The following GRID1 variants were observed in gnomAD, a reference collection of about 807,000 sequenced individuals.
GRID1 encodes the protein glutamate receptor ionotropic, delta-1.
GRID1 carries 28 observed loss-of-function variants against 98.0 expected under a neutral mutation model. The observed-to-expected ratio is 0.29, with a 90% CI of 0.21 to 0.39. The LOEUF is 0.39. GRID1 is among the 10% of genes least tolerant of loss of function. The probability of loss-of-function intolerance (pLI) is 1.00; values close to 1 mark genes in which losing one functional copy is unlikely to be tolerated. For synonymous variants in GRID1, 553 were observed against 538.5 expected (o/e 1.03, Z -0.37); for missense variants, 1,111 against 1,340.5 (o/e 0.83, Z 2.67).
At chr10:86,222,927 G>A (rs1204707070) in intron 2 of GRID1, among the ~76,000 whole-genome samples, 2 of 152,130 alleles carry the variant, frequency 1.3e-5, no homozygotes, top group African/African-American at 2.4e-5. Context: ...CCCCTGGGGG[G>A]ACATGCGAGA....
At chr10:85,871,333 T>C (rs117678039) in intron 5 of GRID1, among the ~76,000 whole-genome samples, 2 of 152,178 alleles carry the variant, frequency 1.3e-5, no homozygotes, top group African/African-American at 4.8e-5. Context: ...GGTACTAAAC[T>C]GGGTATTCTA....
rs535461557 is a variant in GRID1 at position 86,190,203 on chromosome 10, C to T, written c.520+16161G>A. On this transcript the variant is annotated intron_variant, in intron 3 of 15. Coordinates refer to ENST00000327946, the MANE Select transcript of GRID1 (RefSeq NM_017551.3). ...GTGGGACACATGGTGTGATCCTAAC[C>T]GGCCCTCCAGAATAAGAAGCTCTGA... Among the ~76,000 whole-genome samples, 178 of 152,310 alleles carry T rather than the reference C, an allele frequency of 1.2e-3. 1 individual carries two copies. The highest frequency in any genetic ancestry group is 3.4e-3 in the Middle Eastern group (1 of 294).
intron 2 of GRID1, among the ~76,000 whole-genome samples, chr10:86,246,966 T>C (rs1389528539): frequency 6.6e-6 from 1 of 152,272 alleles, no homozygotes. Flanking sequence ...GAATGACTGA[T>C]GTCTCCTCTG....
intron 2 of GRID1, among the ~76,000 whole-genome samples, chr10:86,207,431 G>A (rs978690857): frequency 3.3e-4 from 50 of 152,226 alleles, no homozygotes; most frequent in African/African-American, 1.0e-3. Flanking sequence ...ACACGCTCAG[G>A]GGCTCATCTT....
intron 4 of GRID1, among the ~76,000 whole-genome samples, chr10:85,922,089 C>T (rs533377591): frequency 6.6e-6 from 1 of 152,320 alleles, no homozygotes; most frequent in South Asian, 2.1e-4. Flanking sequence ...TCTCCAAAGC[C>T]TGTGTTCTTT....
At chr10:85,817,171 C>T (rs1040567433) in intron 8 of GRID1, among the ~76,000 whole-genome samples, 3 of 152,208 alleles carry the variant, frequency 2.0e-5, no homozygotes, top group African/African-American at 7.2e-5. Flanking sequence ...CACACACATG[C>T]ATGCATCTTT....
At chr10:85,865,981 A>T (rs1843217242) in intron 6 of GRID1, among the ~76,000 whole-genome samples, 1 of 142,380 alleles carries the variant, frequency 7.0e-6, no homozygotes, top group Non-Finnish European at 1.5e-5. Flanking sequence ...AGAGAGAGAG[A>T]GAGAGAGAGA....
chr10:86,078,321 A>G (rs1842280802), intron 4 of GRID1, among the ~76,000 whole-genome samples: 1 of 152,252 alleles, frequency 6.6e-6, no homozygotes, highest in Non-Finnish European at 1.5e-5. Context: ...GCCTCCTTCC[A>G]GTTTCCTGCT....
intron 15 of GRID1, among the ~76,000 whole-genome samples, chr10:85,607,700 C>G (rs767505346): frequency 3.9e-5 from 6 of 151,968 alleles, no homozygotes; most frequent in Non-Finnish European, 7.4e-5. Flanking sequence ...ATGACTGAGG[C>G]TAGGGGTAAG....
At position 85,978,475 on chromosome 10, in the gene GRID1, G is replaced by A. The variant is rs534533376; in HGVS notation, c.727-62236C>T. Among the ~76,000 whole-genome samples, 4 of 152,304 alleles carry A rather than the reference G, an allele frequency of 2.6e-5. No homozygotes were observed. The East Asian group carries it at 7.7e-4, about 29-fold the overall frequency. The stretch of plus-strand genomic sequence containing the variant: ...ATTTGTACAAACCTAAGCATTAATG[G>A]ACTTGACCTTCCCAGCAGTAAGAGC... On this transcript the variant is annotated intron_variant, in intron 4 of 15. Transcript: ENST00000327946.
chr10:86,336,604 AC>A (rs1467290636), intron 2 of GRID1, among the ~76,000 whole-genome samples: 1 of 152,028 alleles, frequency 6.6e-6, no homozygotes, highest in Non-Finnish European at 1.5e-5. Flanking sequence ...GGTGCCTGGA[AC>A]CCCGTGGTGT....
intron 4 of GRID1, among the ~76,000 whole-genome samples, chr10:86,036,026 A>G (rs946118584): frequency 6.6e-6 from 1 of 152,142 alleles, no homozygotes; most frequent in Non-Finnish European, 1.5e-5. Flanking sequence ...ACATCGCCAA[A>G]TGCATTACAA....
In GRID1 at chr10:85,995,337, C is replaced by G. The variant is rs560615325; in HGVS notation, c.727-79098G>C. On this transcript the variant is annotated intron_variant, in intron 4 of 15. Coordinates refer to ENST00000327946, the MANE Select transcript of GRID1 (RefSeq NM_017551.3). ...AGGAAGTTCCCAACTAGCAGGCAGC[C>G]GGATGCCTCTGCTCCCAATCTGTTG... Among the ~76,000 whole-genome samples, 3 of 152,290 alleles carry G rather than the reference C, an allele frequency of 2.0e-5. No individual in the cohort carries two copies. The East Asian group carries it at 5.8e-4, about 29-fold the overall frequency.
rs141108323 is a variant in GRID1, at chr10:86,238,476, G to A, written c.236-31828C>T. Among the ~76,000 whole-genome samples the A allele has an allele frequency of 3.5e-3, 527 of 152,158 alleles. 4 individuals carry two copies. Among genetic ancestry groups the A allele is most frequent in the Non-Finnish European group, 3.5e-3 (239 of 68,008 alleles). On this transcript the variant is annotated intron_variant, in intron 2 of 15. Transcript: ENST00000327946. Reference sequence around the variant, plus strand: ...AGAGATTGAGACCATCCTGCCCCCCGTCTCTACTAAAAATACAACCCCATC... The same window carrying A: ...AGAGATTGAGACCATCCTGCCCCCCATCTCTACTAAAAATACAACCCCATC...
chr10:85,891,768 A>T (rs1189863258), intron 5 of GRID1, among the ~76,000 whole-genome samples: 1 of 152,156 alleles, frequency 6.6e-6, no homozygotes, highest in African/African-American at 2.4e-5. Flanking sequence ...AAGTCTTTAA[A>T]GGACTAACAA....
At chr10:85,687,823 A>C (rs1016129808) in intron 12 of GRID1, among the ~76,000 whole-genome samples, 1 of 151,926 alleles carries the variant, frequency 6.6e-6, no homozygotes, top group African/African-American at 2.4e-5. Context: ...ATTTCAAAAA[A>C]CAAACAAACA....
At chr10:86,130,727 C>T (rs1241866235) in intron 4 of GRID1, among the ~76,000 whole-genome samples, 1 of 152,202 alleles carries the variant, frequency 6.6e-6, no homozygotes, top group African/African-American at 2.4e-5. Context: ...TCTGTGTGAC[C>T]TGATTCTTCC....
At chr10:85,821,516 CAAAAAAA>C (rs1157209045) in intron 8 of GRID1, among the ~76,000 whole-genome samples, 16 of 9,110 alleles carry the variant, frequency 1.8e-3, no homozygotes, top group East Asian at 3.8e-3. Context: ...GACTTCATCT[CAAAAAAA>C]AAAAAAAAAA....
intron 4 of GRID1, among the ~76,000 whole-genome samples, chr10:86,015,578 C>A (rs1351217631): frequency 1.3e-5 from 2 of 152,220 alleles, no homozygotes; most frequent in African/African-American, 2.4e-5. Flanking sequence ...GAGGAAGTGG[C>A]AGGGCGAGTG....
Sources: allele counts gnomAD v4.1 joint callset (sites outside exome capture counted in the v4.1 genomes callset), GRCh38; gene constraint gnomAD v4.1.1; transcripts MANE v1.5; gene names NCBI Gene and HGNC (gene_info 2026-07-23, HGNC 2026-07-21).